Variants in WAC observed in about 807,000 individuals in gnomAD.
WAC encodes WW domain-containing adapter protein with coiled-coil.
A neutral mutation model predicts 79.6 loss-of-function variants in WAC; 11 were observed. The ratio of observed to expected loss-of-function variants is 0.14; its 90% CI spans 0.09 to 0.23. The LOEUF is 0.23. WAC is among the 10% of genes least tolerant of loss of function. The pLI, the probability that WAC is intolerant of heterozygous loss-of-function variation, is 1.00. For missense variants in WAC, 728 were observed against 773.5 expected (o/e 0.94, Z 0.70); for synonymous variants, 304 against 276.9 (o/e 1.10, Z -0.97).
intron 4 of WAC, among the ~76,000 whole-genome samples, chr10:28,587,831 G>A (rs1432330612): frequency 6.6e-6 from 1 of 152,148 alleles, no homozygotes; most frequent in Non-Finnish European, 1.5e-5. Flanking sequence ...AATCAATGTA[G>A]TGTGGTAGAC....
At chr10:28,542,150 A>G (rs559820734) in intron 3 of WAC, among the ~76,000 whole-genome samples, 2 of 152,208 alleles carry the variant, frequency 1.3e-5, no homozygotes, top group South Asian at 2.1e-4. Context: ...ATGTGCCTTT[A>G]TGTTTCTCCT....
intron 7 of WAC, among the ~76,000 whole-genome samples, chr10:28,597,810 C>T (rs1263017603): frequency 6.6e-6 from 1 of 152,196 alleles, no homozygotes. Flanking sequence ...TAAACATTCT[C>T]ACCCACCCAC....
At chr10:28,572,736 G>A (rs184453664) in intron 3 of WAC, among the ~76,000 whole-genome samples, 7 of 152,206 alleles carry the variant, frequency 4.6e-5, no homozygotes, top group African/African-American at 1.4e-4. Flanking sequence ...GCTTGAACCC[G>A]GGAGGCAGAG....
chr10:28,574,174 T>G (rs1017783427), intron 3 of WAC, among the ~76,000 whole-genome samples: 1 of 151,998 alleles, frequency 6.6e-6, no homozygotes, highest in African/African-American at 2.4e-5. Flanking sequence ...TTTGTTTTTG[T>G]TTTTTTTAGA....
chr10:28,590,601 A>C, intron 5 of WAC, 119 bp from the exon 6 acceptor site: 1 of 779,618 alleles, frequency 1.3e-6, no homozygotes, highest in Non-Finnish European at 2.0e-6. Flanking sequence ...AATTATGACC[A>C]TGTTCACTCC....
At chr10:28,587,066 AGC>A (rs1839855641) in intron 4 of WAC, among the ~76,000 whole-genome samples, 1 of 152,166 alleles carries the variant, frequency 6.6e-6, no homozygotes, top group African/African-American at 2.4e-5. Context: ...GTTGGAAACC[AGC>A]CTGGGCAGTA....
chr10:28,577,258 A>G (rs535921667), intron 3 of WAC, among the ~76,000 whole-genome samples: 1 of 152,198 alleles, frequency 6.6e-6, no homozygotes, highest in Non-Finnish European at 1.5e-5. Context: ...TTAGTCAAGG[A>G]TAATGCTCAG....
intron 3 of WAC, among the ~76,000 whole-genome samples, chr10:28,563,676 T>G (rs570622447): frequency 6.7e-6 from 1 of 149,472 alleles, no homozygotes; most frequent in South Asian, 2.1e-4. Flanking sequence ...GCCTCCTGGG[T>G]TCAAGCAATT....
chr10:28,574,210 C>T (rs1261993776), intron 3 of WAC, among the ~76,000 whole-genome samples: 2 of 152,016 alleles, frequency 1.3e-5, no homozygotes, highest in Non-Finnish European at 2.9e-5. Context: ...TACAGTGTCA[C>T]GATCTCGGCT....
rs182294802 is a variant in WAC at position 28,581,636 on chromosome 10, A to C, written c.275-1763A>C. 3.4e-4 allele frequency among the ~76,000 whole-genome samples: 51 copies of C among 152,080 alleles called. 1 individual carries two copies. The East Asian group carries it at 7.9e-3, about 24-fold the overall frequency. ...GTGGCACAATTCTCAGCTCACTGCA[A>C]CCTCGCCTCCCAGGTTCAAGTGATG... On this transcript the variant is annotated intron_variant, in intron 3 of 13. Transcript: ENST00000354911.
rs1050625409 is a variant in WAC at position 28,614,840 on chromosome 10, C to T, written c.1556+155C>T. On this transcript the variant is annotated intron_variant, in intron 11 of 13. Transcript: ENST00000354911. ...TGTTGTAAAATTTACAAAGACAAAC[C>T]TGTATACAAGAGGTAGGTTATTGTC... is the stretch of plus-strand genomic sequence containing the variant. 96 of 620,712 alleles carry T rather than the reference C, an allele frequency of 1.5e-4. No individual in the cohort carries two copies. The African/African-American group carries it at 1.6e-3, about 10-fold the overall frequency. The allele number at this position is 620,712 out of a possible 1,614,324, so 38.5% of individuals were successfully genotyped here.
At position 28,622,858 on chromosome 10, in the gene WAC, G is replaced by C. The variant is rs1008083983; in HGVS notation, c.*3252G>C. 6.6e-6 allele frequency: 1 copy of C among 152,098 alleles called. No individual in the cohort carries two copies. The highest frequency in any genetic ancestry group is 1.5e-5 in the Non-Finnish European group (1 of 68,016). The allele number at this position is 152,098 out of a possible 1,614,324, so 9.4% of individuals were successfully genotyped here. A position where few individuals can be genotyped will look rare whatever the true frequency, so the allele number is the denominator to read the frequency against. The stretch of plus-strand genomic sequence containing the variant: ...GGGAAATAATTCACTCTGCGCACCG[G>C]AACTATTGTAGTTCAGGACTTCCAG... On this transcript the variant is annotated 3_prime_UTR_variant, in exon 14 of 14. Transcript: ENST00000354911.
intron 13 of WAC, among the ~76,000 whole-genome samples, chr10:28,619,007 G>A (rs978135895): frequency 6.6e-6 from 1 of 152,218 alleles, no homozygotes; most frequent in African/African-American, 2.4e-5. Flanking sequence ...GGCTGGGCGC[G>A]GTGGCTAACG....
chr10:28,617,592 T>G lies in WAC; in HGVS notation c.1747-65T>G, dbSNP rs563951066. The G allele has an allele frequency of 1.0e-5, 14 of 1,395,820 alleles. No individual in the cohort carries two copies. In the Admixed American group the frequency reaches 3.9e-4, roughly 39 times the overall value. The allele number at this position is 1,395,820 out of a possible 1,614,324, so 86.5% of individuals were successfully genotyped here. On this transcript the variant is annotated intron_variant, in intron 12 of 13. Coordinates refer to ENST00000354911, the MANE Select transcript of WAC (RefSeq NM_016628.5). ...CTAGTATAAAATTGTACTCAGAAAT[T>G]TAATGTTTTATTTTGTGTATGTTAA...
Position 28,619,942 on chromosome 10 carries a change from C to A in WAC, c.*336C>A. On this transcript the variant is annotated 3_prime_UTR_variant, in exon 14 of 14. Coordinates refer to ENST00000354911, the MANE Select transcript of WAC (RefSeq NM_016628.5). The stretch of plus-strand genomic sequence containing the variant: ...CCTAGCCTTTTACATGTAAACCTGT[C>A]TGCAAAATTAGCTTTTTTAAAAAAA... The A allele has an allele frequency of 6.1e-6, 1 of 164,130 alleles. No individual in the cohort carries two copies. Among genetic ancestry groups the A allele is most frequent in the Non-Finnish European group, 1.3e-5 (1 of 78,536 alleles). The allele number at this position is 164,130 out of a possible 1,614,324, so 10.2% of individuals were successfully genotyped here. A position where few individuals can be genotyped will look rare whatever the true frequency, so the allele number is the denominator to read the frequency against.
intron 2 of WAC, among the ~76,000 whole-genome samples, chr10:28,534,747 C>T (rs537643932): frequency 8.5e-5 from 13 of 152,330 alleles, no homozygotes; most frequent in Non-Finnish European, 1.6e-4. Flanking sequence ...ACACTTTCTA[C>T]ATCTTAAAGG....
chr10:28,606,799 A>C (rs1840977313), intron 7 of WAC, among the ~76,000 whole-genome samples: 1 of 152,224 alleles, frequency 6.6e-6, no homozygotes, highest in African/African-American at 2.4e-5. Context: ...GTGTACCTAA[A>C]GGGGAATTAC....
intron 7 of WAC, among the ~76,000 whole-genome samples, chr10:28,596,347 T>C (rs1054312333): frequency 6.6e-6 from 1 of 152,226 alleles, no homozygotes; most frequent in Non-Finnish European, 1.5e-5. Context: ...TCTGTTTTTG[T>C]GATCATTGTC....
At chr10:28,535,503 T>C (rs139209275) in intron 2 of WAC, 59 bp from the exon 3 acceptor site, 1 of 1,478,226 alleles carries the variant, frequency 6.8e-7, no homozygotes, top group East Asian at 2.4e-5. Flanking sequence ...TATGTTTAAA[T>C]TAGGGAGTTT....
Sources: allele counts gnomAD v4.1 joint callset (sites outside exome capture counted in the v4.1 genomes callset), GRCh38; gene constraint gnomAD v4.1.1; transcripts MANE v1.5; gene names NCBI Gene and HGNC (gene_info 2026-07-23, HGNC 2026-07-21).